Variants in EYS observed in about 807,000 individuals in gnomAD.
The protein encoded by EYS is EGF-like photoreceptor maintenance factor, also known as protein eyes shut homolog.
EYS carries 250 observed loss-of-function variants against 282.1 expected under a neutral mutation model. The observed-to-expected ratio is 0.89, with a 90% CI of 0.80 to 0.98. EYS has a LOEUF of 0.98. EYS is among the 50% of genes least tolerant of loss of function. The pLI, the probability that EYS is intolerant of heterozygous loss-of-function variation, is 0.00. For synonymous variants in EYS, 1,355 were observed against 1,282.9 expected, an observed-to-expected ratio of 1.06 and a Z score of -1.20; for missense variants, 4,016 against 3,709.0, an observed-to-expected ratio of 1.08 and a Z score of -2.15.
intron 26 of EYS, among the ~76,000 whole-genome samples, chr6:64,462,923 T>C (rs1009076990): frequency 6.6e-6 from 1 of 151,378 alleles, no homozygotes; most frequent in Non-Finnish European, 1.5e-5. Flanking sequence ...CTTTCAAGTA[T>C]AGCTTATTCT....
intron 26 of EYS, among the ~76,000 whole-genome samples, chr6:64,534,154 T>C (rs987237722): frequency 7.2e-5 from 11 of 151,736 alleles, no homozygotes; most frequent in African/African-American, 2.4e-4. Context: ...CATTTAGAGA[T>C]CTAAATTTAG....
chr6:64,652,975 A>G (rs1768616714), intron 22 of EYS, among the ~76,000 whole-genome samples: 1 of 152,154 alleles, frequency 6.6e-6, no homozygotes, highest in Non-Finnish European at 1.5e-5. Flanking sequence ...TCTCTCAGAA[A>G]AGGATATTTG....
chr6:64,856,249 T>A (rs1384994133), intron 19 of EYS, among the ~76,000 whole-genome samples: 1 of 152,146 alleles, frequency 6.6e-6, no homozygotes, highest in African/African-American at 2.4e-5. Flanking sequence ...GAGTTCCTGT[T>A]GCTTCACATT....
chr6:65,052,683 T>A (rs1005799917), intron 13 of EYS, among the ~76,000 whole-genome samples: 1 of 151,664 alleles, frequency 6.6e-6, no homozygotes, highest in Non-Finnish European at 1.5e-5. Flanking sequence ...AAACTCATTT[T>A]TACATATTAA....
At chr6:64,753,576 TA>T (rs1018924764) in intron 22 of EYS, among the ~76,000 whole-genome samples, 10 of 148,620 alleles carry the variant, frequency 6.7e-5, no homozygotes, top group Admixed American at 2.0e-4. Flanking sequence ...AAAACAATTG[TA>T]AATATATATC....
chr6:65,634,750 T>G (rs142881329), intron 2 of EYS, among the ~76,000 whole-genome samples: 2 of 152,324 alleles, frequency 1.3e-5, no homozygotes, highest in African/African-American at 4.8e-5. Flanking sequence ...TTAGCAAATC[T>G]AGTCGTAACC....
In EYS at chr6:64,468,041, G is replaced by A. The variant is rs147133660; in HGVS notation, c.5645-28689C>T. Among the ~76,000 whole-genome samples, 18 of 152,144 alleles carry A rather than the reference G, an allele frequency of 1.2e-4. No individual in the cohort carries two copies. The East Asian group carries it at 3.1e-3, about 26-fold the overall frequency. ...ACTCAACCCACCACTGCCACTGCCAGCACCCAAGCAAGCTGTCTGGAGACC... is the reference window on the plus strand; with the variant it reads ...ACTCAACCCACCACTGCCACTGCCAACACCCAAGCAAGCTGTCTGGAGACC... On this transcript the variant is annotated intron_variant, in intron 26 of 42. Transcript: ENST00000503581.
At chr6:65,426,289 TTTATTA>T (rs1417459763) in intron 5 of EYS, among the ~76,000 whole-genome samples, 1 of 152,080 alleles carries the variant, frequency 6.6e-6, no homozygotes, top group Admixed American at 6.6e-5. Context: ...AAAATTCTAT[TTTATTA>T]TTATTAACTT....
intron 12 of EYS, among the ~76,000 whole-genome samples, chr6:65,087,497 C>T (rs1458408520): frequency 2.6e-5 from 4 of 152,068 alleles, no homozygotes; most frequent in Non-Finnish European, 5.9e-5. Context: ...TGCATCTTAC[C>T]TAACTGGCTC....
chr6:64,367,623 T>A (rs1352318507), intron 29 of EYS, among the ~76,000 whole-genome samples: 2 of 139,890 alleles, frequency 1.4e-5, no homozygotes, highest in Non-Finnish European at 3.2e-5. Flanking sequence ...AAAAAAAAAA[T>A]TATGGCTGTT....
chr6:64,572,095 T>C (rs904541946), intron 26 of EYS, among the ~76,000 whole-genome samples: 2 of 152,122 alleles, frequency 1.3e-5, no homozygotes, highest in African/African-American at 4.8e-5. Flanking sequence ...GTTGGCTTCA[T>C]CCCTGGGATG....
At chr6:64,340,172 TA>T (rs1426748781) in intron 29 of EYS, among the ~76,000 whole-genome samples, 1 of 148,956 alleles carries the variant, frequency 6.7e-6, no homozygotes, top group Non-Finnish European at 1.5e-5. Context: ...AGTTTAGAAG[TA>T]AAAAAGTGTG....
At chr6:64,422,289 C>T (rs1309655813) in intron 28 of EYS, among the ~76,000 whole-genome samples, 2 of 152,054 alleles carry the variant, frequency 1.3e-5, no homozygotes, top group African/African-American at 4.8e-5. Flanking sequence ...CACTCAATTG[C>T]CTCATTCCAT....
Position 64,760,426 on chromosome 6 carries a change from A to G in EYS, c.3443+52952T>C, listed in dbSNP as rs114503074. Among the ~76,000 whole-genome samples the G allele has an allele frequency of 5.3e-3, 813 of 152,256 alleles. 11 individuals are homozygous for G. The highest frequency in any genetic ancestry group is 0.018 in the African/African-American group (765 of 41,548). ...GTTGGTCATCCTGTTGATACTTTCT[A>G]CATCATAGCTTCTGATGTAACGCTG... On this transcript the variant is annotated intron_variant, in intron 22 of 42. Transcript: ENST00000503581.
intron 35 of EYS, among the ~76,000 whole-genome samples, chr6:63,959,203 G>A (rs886751980): frequency 6.6e-6 from 1 of 151,996 alleles, no homozygotes; most frequent in Admixed American, 6.6e-5. Flanking sequence ...AGTGGGCAAA[G>A]GATATGAACA....
chr6:64,817,416 A>G (rs529562139), intron 21 of EYS, among the ~76,000 whole-genome samples: 283 of 152,304 alleles, frequency 1.9e-3, no homozygotes, highest in Non-Finnish European at 2.3e-3. Flanking sequence ...GACAAAATGT[A>G]AATTATATTA....
chr6:65,144,612 C>T (rs1764429437), intron 12 of EYS, among the ~76,000 whole-genome samples: 1 of 152,050 alleles, frequency 6.6e-6, no homozygotes, highest in Non-Finnish European at 1.5e-5. Flanking sequence ...ACAAAAAACT[C>T]TTACTTTTTT....
intron 26 of EYS, among the ~76,000 whole-genome samples, chr6:64,478,358 G>A (rs1264373049): frequency 6.6e-6 from 1 of 151,606 alleles, no homozygotes; most frequent in Non-Finnish European, 1.5e-5. Flanking sequence ...GTACATAATA[G>A]ATGCTTACTA....
intron 12 of EYS, among the ~76,000 whole-genome samples, chr6:65,179,957 G>A (rs928618291): frequency 1.6e-4 from 25 of 151,894 alleles, no homozygotes; most frequent in South Asian, 6.2e-4. Context: ...GACAAAAACC[G>A]TATGATTATC....
Sources: gnomAD v4.1 joint callset for allele counts (sites outside exome capture counted in the v4.1 genomes callset) on GRCh38, gnomAD v4.1.1 for gene constraint, MANE v1.5 for transcripts, NCBI Gene and HGNC (gene_info 2026-07-23, HGNC 2026-07-21) for gene names.